UBE2W: variants seen among roughly 807,000 people sequenced by gnomAD.
The protein encoded by UBE2W is ubiquitin-conjugating enzyme E2 W.
In UBE2W, 18 loss-of-function variants were observed where a neutral mutation model predicts 27.2. That is an observed-to-expected ratio of 0.66 (90% confidence interval 0.46 to 0.98). The LOEUF (loss-of-function observed/expected upper bound fraction) is 0.98. Ranked by LOEUF, UBE2W falls within the 50% of genes least tolerant of loss-of-function variation. The pLI, the probability that UBE2W is intolerant of heterozygous loss-of-function variation, is 0.00. For synonymous variants in UBE2W, 53 were observed against 57.2 expected (o/e 0.93, Z 0.33); for missense variants, 90 against 180.2 (o/e 0.50, Z 2.87).
rs78054375 is a variant in UBE2W at position 73,809,106 on chromosome 8, C to T, written c.366+1368G>A. 1.9e-4 allele frequency among the ~76,000 whole-genome samples: 29 copies of T among 152,156 alleles called. No individual in the cohort carries two copies. In the East Asian group the frequency reaches 5.4e-3, roughly 28 times the overall value. On this transcript the variant is annotated intron_variant, in intron 4 of 5. Transcript: ENST00000602593. ...TGTACCCACAAACTGCTTTGCCCTACACATAAAAGTTTAAAACGTGTGTGT... is the reference window on the plus strand; with the variant it reads ...TGTACCCACAAACTGCTTTGCCCTATACATAAAAGTTTAAAACGTGTGTGT...
In UBE2W at chr8:73,791,651, C is replaced by T; in HGVS notation, c.*2451G>A. Reference sequence around the variant, plus strand: ...TTATGACTTTTAATAATGTAACTAACATATAAATTAAATCTAAGTGCAAGG... The same window carrying T: ...TTATGACTTTTAATAATGTAACTAATATATAAATTAAATCTAAGTGCAAGG... On this transcript the variant is annotated 3_prime_UTR_variant, in exon 6 of 6. Coordinates refer to ENST00000602593, the MANE Select transcript of UBE2W (RefSeq NM_018299.6). 6.1e-6 allele frequency: 6 copies of T among 984,774 alleles called. No individual in the cohort carries two copies. Among genetic ancestry groups the T allele is most frequent in the South Asian group, 4.7e-5 (1 of 21,286 alleles). 61.0% of individuals were successfully genotyped at this position (984,774 alleles called of 1,614,324 possible).
At chr8:73,866,291 ATATATATATATAT>A (rs1431184895) in intron 1 of UBE2W, among the ~76,000 whole-genome samples, 1 of 44,698 alleles carries the variant, frequency 2.2e-5, no homozygotes, top group African/African-American at 8.8e-5. Flanking sequence ...AAAAAAAAAA[ATATATATATATAT>A]ATATATATAT....
At chr8:73,800,857 G>C (rs1057481344) in intron 5 of UBE2W, among the ~76,000 whole-genome samples, 1 of 152,170 alleles carries the variant, frequency 6.6e-6, no homozygotes. Flanking sequence ...ACTTTGGGAG[G>C]CCGAGGGGGC....
intron 1 of UBE2W, among the ~76,000 whole-genome samples, chr8:73,833,494 C>CA (rs1810179102): frequency 6.6e-6 from 1 of 151,974 alleles, no homozygotes; most frequent in Non-Finnish European, 1.5e-5. Flanking sequence ...CATCAGAATA[C>CA]AACATATTAT....
At chr8:73,781,351 A>G (rs1421422037), downstream of UBE2W, among the ~76,000 whole-genome samples, 3 of 151,986 alleles carry the variant, frequency 2.0e-5, no homozygotes, top group Non-Finnish European at 4.4e-5. Context: ...GAGTAAAATC[A>G]TCACACTAAA....
intron 1 of UBE2W, among the ~76,000 whole-genome samples, chr8:73,847,967 T>C (rs1810888753): frequency 6.6e-6 from 1 of 151,928 alleles, no homozygotes; most frequent in Admixed American, 6.6e-5. Context: ...TTTGGGAGGC[T>C]GAGGCGGGTG....
intron 5 of UBE2W, among the ~76,000 whole-genome samples, chr8:73,802,515 T>G (rs560034499): frequency 6.6e-6 from 1 of 152,342 alleles, no homozygotes; most frequent in African/African-American, 2.4e-5. Context: ...AATTTCTTTG[T>G]GATTCCTTTT....
intron 1 of UBE2W, among the ~76,000 whole-genome samples, chr8:73,866,204 G>C (rs946549177): frequency 6.8e-6 from 1 of 147,698 alleles, no homozygotes; most frequent in African/African-American, 2.5e-5. Flanking sequence ...CCGGGGGGTG[G>C]AGGTTGCAGT....
At chr8:73,830,139 A>AT (rs1309865862) in intron 2 of UBE2W, among the ~76,000 whole-genome samples, 2 of 146,672 alleles carry the variant, frequency 1.4e-5, no homozygotes, top group African/African-American at 4.8e-5. Flanking sequence ...GTTAAACAAA[A>AT]TTTTTTAAAA....
intron 3 of UBE2W, among the ~76,000 whole-genome samples, chr8:73,815,488 T>C (rs980140032): frequency 9.2e-5 from 14 of 152,234 alleles, no homozygotes; most frequent in African/African-American, 2.4e-5. Context: ...TAATTGAAAG[T>C]AGACTTGTAA....
At position 73,805,638 on chromosome 8, in the gene UBE2W, T is replaced by C. The variant is rs1315220671; in HGVS notation, c.442+13A>G. On this transcript the variant is annotated intron_variant, in intron 5 of 5. Transcript: ENST00000602593. ...AAAATGCTAAAAAGTTATTACAAAT[T>C]CAAACTGCTTACCATGATACCACCA... 1.4e-6 allele frequency: 2 copies of C among 1,478,782 alleles called. No individual in the cohort carries two copies. The highest frequency in any genetic ancestry group is 1.8e-6 in the Non-Finnish European group (2 of 1,102,252). 91.6% of individuals were successfully genotyped at this position (1,478,782 alleles called of 1,614,324 possible).
chr8:73,827,214 T>C (rs1025130293), intron 2 of UBE2W, among the ~76,000 whole-genome samples: 42 of 152,212 alleles, frequency 2.8e-4, no homozygotes, highest in Non-Finnish European at 2.2e-4. Context: ...TGGTGCGTGG[T>C]ACTTTCTTTT....
chr8:73,861,535 T>G (rs1045027555), intron 1 of UBE2W, among the ~76,000 whole-genome samples: 1 of 152,184 alleles, frequency 6.6e-6, no homozygotes, highest in Non-Finnish European at 1.5e-5. Context: ...TCTCAACTCC[T>G]GGCTCCAAGC....
intron 3 of UBE2W, among the ~76,000 whole-genome samples, chr8:73,817,864 T>C (rs74462430): frequency 2.2e-4 from 33 of 152,188 alleles, no homozygotes; most frequent in Non-Finnish European, 4.0e-4. Flanking sequence ...ATACCTATGA[T>C]AGAAACGTCA....
intron 1 of UBE2W, among the ~76,000 whole-genome samples, chr8:73,852,420 TTTG>T (rs1369832056): frequency 6.6e-6 from 1 of 152,204 alleles, no homozygotes; most frequent in Non-Finnish European, 1.5e-5. Context: ...AAATGAAATA[TTTG>T]TTTTCTGAAA....
intron 5 of UBE2W, among the ~76,000 whole-genome samples, chr8:73,798,496 TAC>T (rs1473362151): frequency 1.3e-5 from 2 of 152,164 alleles, no homozygotes; most frequent in Admixed American, 1.3e-4. Flanking sequence ...ATATTCAACC[TAC>T]AGTTTATAAC....
rs1808255069 is a variant in UBE2W at position 73,792,782 on chromosome 8, T to G, written c.*1320A>C. On this transcript the variant is annotated 3_prime_UTR_variant, in exon 6 of 6. Transcript: ENST00000602593. ...CTCACATGGTACTGAGAACTGGACC[T>G]TTCAACAATTTTTTTTTTCTATAGA... 1.0e-6 allele frequency: 1 copy of G among 985,506 alleles called. No homozygotes were observed. Among genetic ancestry groups the G allele is most frequent in the Non-Finnish European group, 1.2e-6 (1 of 829,816 alleles). 61.0% of individuals were successfully genotyped at this position (985,506 alleles called of 1,614,324 possible).
At chr8:73,818,998 T>C (rs1809501975) in intron 3 of UBE2W, among the ~76,000 whole-genome samples, 1 of 152,224 alleles carries the variant, frequency 6.6e-6, no homozygotes, top group African/African-American at 2.4e-5. Flanking sequence ...TACACTGACC[T>C]AAGCCTTACA....
At chr8:73,845,394 T>C (rs1018685932) in intron 1 of UBE2W, among the ~76,000 whole-genome samples, 8 of 152,232 alleles carry the variant, frequency 5.3e-5, no homozygotes, top group Non-Finnish European at 1.2e-4. Context: ...ATGCTGTTAA[T>C]CTATAACCTT....
Sources: gnomAD v4.1 joint callset for allele counts (sites outside exome capture counted in the v4.1 genomes callset) on GRCh38, gnomAD v4.1.1 for gene constraint, MANE v1.5 for transcripts, NCBI Gene and HGNC (gene_info 2026-07-23, HGNC 2026-07-21) for gene names.